The following GLIS3 variants were observed in gnomAD, a reference collection of about 807,000 sequenced individuals.
GLIS3 encodes zinc finger protein GLIS3.
A neutral mutation model predicts 78.6 loss-of-function variants in GLIS3; 53 were observed. The observed-to-expected ratio is 0.67, with a 90% CI of 0.54 to 0.85. The LOEUF (loss-of-function observed/expected upper bound fraction) is 0.85. Ranked by LOEUF, GLIS3 falls within the 40% of genes least tolerant of loss-of-function variation. GLIS3 has a pLI of 0.00. For synonymous variants in GLIS3, 684 were observed against 509.9 expected (o/e 1.34, Z -4.60); for missense variants, 1,703 against 1,231.1 (o/e 1.38, Z -5.74).
the GLIS3 span, among the ~76,000 whole-genome samples, chr9:4,357,461 C>T: frequency 6.6e-6 from 1 of 152,140 alleles, no homozygotes; most frequent in African/African-American, 2.4e-5. Flanking sequence ...CTTCTCAGGC[C>T]TCCAGACTCA....
intron 4 of GLIS3, among the ~76,000 whole-genome samples, chr9:4,074,224 G>C (rs1827867056): frequency 6.6e-6 from 1 of 152,138 alleles, no homozygotes; most frequent in African/African-American, 2.4e-5. Context: ...GTCATTTCAG[G>C]GTGGGTCCCC....
In GLIS3 at chr9:4,280,570, T is replaced by C. The variant is rs558437408; in HGVS notation, c.388+5468A>G. ...AACAGCAGAAGGCCAGATCAAACTT[T>C]AAAAAATGATAAATTCAGCGTCAAA... On this transcript the variant is annotated intron_variant, in intron 2 of 10. Coordinates refer to ENST00000381971, the MANE Select transcript of GLIS3 (RefSeq NM_001042413.2). Among the ~76,000 whole-genome samples, 247 of 152,204 alleles carry C rather than the reference T, an allele frequency of 1.6e-3. 3 individuals carry two copies. Among genetic ancestry groups the C allele is most frequent in the Admixed American group, 5.2e-3 (79 of 15,292 alleles).
chr9:4,254,741 G>C (rs1233073494), intron 2 of GLIS3, among the ~76,000 whole-genome samples: 1 of 151,852 alleles, frequency 6.6e-6, no homozygotes, highest in East Asian at 1.9e-4. Flanking sequence ...TCGGGAGGCT[G>C]AGGCAGGAGA....
the GLIS3 span, among the ~76,000 whole-genome samples, chr9:4,392,670 G>A: frequency 6.6e-6 from 1 of 152,114 alleles, no homozygotes. Flanking sequence ...AGCTTTTGAA[G>A]TATTAAAACT....
intron 4 of GLIS3, among the ~76,000 whole-genome samples, chr9:4,021,889 C>A (rs143809322): frequency 1.5e-3 from 235 of 152,226 alleles, no homozygotes; most frequent in Non-Finnish European, 3.1e-3. Flanking sequence ...TTTGAAGCTC[C>A]CCCAGCGGTT....
chr9:4,439,022 A>G, the GLIS3 span, among the ~76,000 whole-genome samples: 1 of 152,200 alleles, frequency 6.6e-6, no homozygotes, highest in Non-Finnish European at 1.5e-5. Flanking sequence ...TGGGGTTATA[A>G]TGTGCCATCA....
chr9:4,327,897 G>A (rs1311202693), intron 2 of GLIS3, among the ~76,000 whole-genome samples: 1 of 152,242 alleles, frequency 6.6e-6, no homozygotes, highest in Admixed American at 6.5e-5. Flanking sequence ...AAGTTTCTCA[G>A]TTGAGCTGTC....
At chr9:3,850,253 G>C (rs968054999) in intron 9 of GLIS3, among the ~76,000 whole-genome samples, 1 of 152,188 alleles carries the variant, frequency 6.6e-6, no homozygotes, top group Non-Finnish European at 1.5e-5. Flanking sequence ...TGCACAGGAA[G>C]GCGTGTGATC....
At chr9:4,284,767 A>C (rs1403867422) in intron 2 of GLIS3, among the ~76,000 whole-genome samples, 1 of 151,892 alleles carries the variant, frequency 6.6e-6, no homozygotes, top group Non-Finnish European at 1.5e-5. Flanking sequence ...AGAAAAAAAA[A>C]ATTAGCCAGG....
chr9:4,251,329 C>T (rs1490358620), intron 2 of GLIS3, among the ~76,000 whole-genome samples: 2 of 151,894 alleles, frequency 1.3e-5, no homozygotes, highest in Non-Finnish European at 2.9e-5. Context: ...GTTTACTCTA[C>T]TTGTTGTGTT....
intron 9 of GLIS3, among the ~76,000 whole-genome samples, chr9:3,839,581 G>C (rs1004997240): frequency 7.1e-6 from 1 of 141,586 alleles, no homozygotes; most frequent in African/African-American, 2.8e-5. Flanking sequence ...CAAGTTTACA[G>C]CCAAAAAAAA....
chr9:3,829,244 C>T (rs978232191), intron 10 of GLIS3, 66 bp downstream of exon 10: 5 of 1,467,086 alleles, frequency 3.4e-6, no homozygotes, highest in East Asian at 4.6e-5. Context: ...AGGTCGGTCA[C>T]GGGCAGCCCA....
the GLIS3 span, among the ~76,000 whole-genome samples, chr9:4,416,220 C>G: frequency 1.7e-5 from 2 of 117,060 alleles, no homozygotes; most frequent in Admixed American, 2.5e-4. Flanking sequence ...CCACTGTACT[C>G]TGGCCTGAGT....
chr9:4,258,281 A>G (rs2129974775), intron 2 of GLIS3, among the ~76,000 whole-genome samples: 1 of 152,312 alleles, frequency 6.6e-6, no homozygotes, highest in African/African-American at 2.4e-5. Context: ...TCCATAAAGA[A>G]TAGTGAAATC....
chr9:4,150,125 G>C (rs1022150591), intron 2 of GLIS3, among the ~76,000 whole-genome samples: 1 of 152,234 alleles, frequency 6.6e-6, no homozygotes. Context: ...AGCTTCCCCA[G>C]AGAAGCAACC....
intron 5 of GLIS3, among the ~76,000 whole-genome samples, chr9:3,933,934 A>G (rs1825754722): frequency 1.3e-5 from 2 of 152,300 alleles, no homozygotes; most frequent in South Asian, 4.1e-4. Context: ...TCTATGTTTG[A>G]TTATCTGCTG....
intron 2 of GLIS3, among the ~76,000 whole-genome samples, chr9:4,187,131 CTAACGTT>C (rs1381835014): frequency 6.6e-6 from 1 of 152,132 alleles, no homozygotes; most frequent in Non-Finnish European, 1.5e-5. Flanking sequence ...GCTTTTAGGT[CTAACGTT>C]TAAGTCTTTA....
At chr9:4,176,641 G>C (rs1355366347) in intron 2 of GLIS3, among the ~76,000 whole-genome samples, 1 of 150,912 alleles carries the variant, frequency 6.6e-6, no homozygotes, top group Non-Finnish European at 1.5e-5. Flanking sequence ...TTTTTATCTT[G>C]AGACACAGTT....
the GLIS3 span, among the ~76,000 whole-genome samples, chr9:4,475,178 G>A: frequency 2.0e-5 from 3 of 151,754 alleles, no homozygotes; most frequent in African/African-American, 4.8e-5. Context: ...AAATTCAGAA[G>A]AAATCACTAA....
Sources: gnomAD v4.1 joint callset for allele counts (sites outside exome capture counted in the v4.1 genomes callset) on GRCh38, gnomAD v4.1.1 for gene constraint, MANE v1.5 for transcripts, NCBI Gene and HGNC (gene_info 2026-07-23, HGNC 2026-07-21) for gene names.